The following INPP4B variants were observed in gnomAD, a reference collection of about 807,000 sequenced individuals.
INPP4B encodes inositol polyphosphate 4-phosphatase type II.
In INPP4B, 55 loss-of-function variants were observed where a neutral mutation model predicts 122.5. The observed-to-expected ratio is 0.45, with a 90% CI of 0.36 to 0.56. The LOEUF is 0.56. INPP4B is among the 20% of genes least tolerant of loss of function. The pLI, the probability that INPP4B is intolerant of heterozygous loss-of-function variation, is 0.00. For synonymous variants in INPP4B, 403 were observed against 388.7 expected, an observed-to-expected ratio of 1.04 and a Z score of -0.43; for missense variants, 1,000 against 1,097.7, an observed-to-expected ratio of 0.91 and a Z score of 1.26.
At chr4:142,195,348 AT>A (rs1837712644) in intron 14 of INPP4B, among the ~76,000 whole-genome samples, 1 of 152,204 alleles carries the variant, frequency 6.6e-6, no homozygotes. Flanking sequence ...AGTTCCAGAG[AT>A]ATGCTGTATA....
chr4:142,212,239 G>A (rs1845233476), intron 12 of INPP4B, among the ~76,000 whole-genome samples: 1 of 152,026 alleles, frequency 6.6e-6, no homozygotes, highest in Non-Finnish European at 1.5e-5. Flanking sequence ...GGCAATGTGC[G>A]ATTCCCCAGA....
At chr4:142,619,209 C>T (rs142958966) in intron 2 of INPP4B, among the ~76,000 whole-genome samples, 1 of 151,886 alleles carries the variant, frequency 6.6e-6, no homozygotes, top group Non-Finnish European at 1.5e-5. Flanking sequence ...AATAGAAATA[C>T]TATATAATCC....
intron 1 of INPP4B, chr4:142,766,666 T>TA (rs1772193510): frequency 6.6e-6 from 1 of 152,010 alleles, no homozygotes; most frequent in African/African-American, 2.4e-5. Flanking sequence ...CATGAACCTT[T>TA]ATGCCCAGCC....
rs1218091516 is a variant in INPP4B at position 142,193,178 on chromosome 4, T to A, written c.1090A>T (p.Ile364Phe). The A allele has an allele frequency of 6.2e-7, 1 of 1,610,698 alleles. No homozygotes were observed. The highest frequency in any genetic ancestry group is 2.2e-5 in the East Asian group (1 of 44,844). Residue 364 changes from isoleucine (I) to phenylalanine (F), a missense_variant, in exon 15 of 26, where the codon ATC (isoleucine) becomes TTC (phenylalanine). Transcript: ENST00000262992. Reference protein sequence around the residue: ...PHLKDALYDVITVGAPAAHFQ... With the variant: ...PHLKDALYDVFTVGAPAAHFQ... Reference sequence around the variant, plus strand: ...TGGGCAGCTGGGGCTCCCACAGTGATGACATCGTAGAGAGCATCTGGAGTA... The same window carrying A: ...TGGGCAGCTGGGGCTCCCACAGTGAAGACATCGTAGAGAGCATCTGGAGTA...
intron 2 of INPP4B, among the ~76,000 whole-genome samples, chr4:142,689,845 T>A (rs1040665244): frequency 6.6e-6 from 1 of 152,192 alleles, no homozygotes; most frequent in Non-Finnish European, 1.5e-5. Context: ...AAAATGAGAT[T>A]TATTTTCCCC....
intron 7 of INPP4B, among the ~76,000 whole-genome samples, chr4:142,381,201 T>A (rs2148853346): frequency 6.6e-6 from 1 of 152,244 alleles, no homozygotes; most frequent in Non-Finnish European, 1.5e-5. Context: ...GATGCAAAAA[T>A]TTACATTCAA....
At chr4:142,543,371 G>GGA in intron 2 of INPP4B, among the ~76,000 whole-genome samples, 1 of 152,190 alleles carries the variant, frequency 6.6e-6, no homozygotes, top group Admixed American at 6.5e-5. Context: ...CCAAGTAAAT[G>GGA]AACTTTATGC....
intron 14 of INPP4B, among the ~76,000 whole-genome samples, chr4:142,193,979 C>T (rs1215448793): frequency 1.3e-5 from 2 of 152,146 alleles, no homozygotes; most frequent in East Asian, 3.8e-4. Flanking sequence ...TGCTAAACTA[C>T]ATTTTATTTG....
intron 7 of INPP4B, among the ~76,000 whole-genome samples, chr4:142,342,511 T>G (rs1487054418): frequency 1.3e-5 from 2 of 152,128 alleles, no homozygotes; most frequent in Non-Finnish European, 2.9e-5. Context: ...GTATTCAGTT[T>G]CTCTTAGCAG....
rs1375545100 is a variant in INPP4B at position 142,023,194 on chromosome 4, TAC to T, written c.*5586_*5587del. ...AAAATCATTTATTTAAACAAAAATA[TAC>T]ACACAGTGTACAATGAATATGGTTT... On this transcript the variant is annotated 3_prime_UTR_variant, in exon 26 of 26. Coordinates refer to ENST00000262992, the MANE Select transcript of INPP4B (RefSeq NM_001101669.3). 10 of 152,092 alleles carry T rather than the reference TAC, an allele frequency of 6.6e-5. No homozygotes were observed. The highest frequency in any genetic ancestry group is 1.5e-4 in the Non-Finnish European group (10 of 67,992). The allele number at this position is 152,092 out of a possible 1,614,324, so 9.4% of individuals were successfully genotyped here.
intron 7 of INPP4B, among the ~76,000 whole-genome samples, chr4:142,332,502 GA>G (rs772840732): frequency 1.9e-4 from 28 of 150,788 alleles, no homozygotes; most frequent in African/African-American, 4.9e-4. Flanking sequence ...ATTAAAGGGG[GA>G]AAAAAAAGCA....
rs115498324 is a variant in INPP4B at position 142,375,182 on chromosome 4, G to A, written c.372+27756C>T. ...CATTTTTTTTTCATCTTCCTTGACAGCTCTGTGGAGCTAGTCAACACTGAC... is the reference window on the plus strand; with the variant it reads ...CATTTTTTTTTCATCTTCCTTGACAACTCTGTGGAGCTAGTCAACACTGAC... On this transcript the variant is annotated intron_variant, in intron 7 of 25. Coordinates refer to ENST00000262992, the MANE Select transcript of INPP4B (RefSeq NM_001101669.3). Among the ~76,000 whole-genome samples the A allele has an allele frequency of 8.1e-3, 1,231 of 151,690 alleles. 16 individuals are homozygous for A. Among genetic ancestry groups the A allele is most frequent in the African/African-American group, 0.028 (1,178 of 41,432 alleles).
chr4:142,243,674 GA>G (rs1465380434), intron 11 of INPP4B, among the ~76,000 whole-genome samples: 1 of 152,116 alleles, frequency 6.6e-6, no homozygotes, highest in Admixed American at 6.5e-5. Flanking sequence ...ACACATTAAT[GA>G]AAGGAAAAAT....
At chr4:142,458,967 C>A (rs975909423) in intron 3 of INPP4B, among the ~76,000 whole-genome samples, 3 of 152,188 alleles carry the variant, frequency 2.0e-5, no homozygotes, top group Non-Finnish European at 2.9e-5. Flanking sequence ...TGGCTCCCGA[C>A]TTTCAGGAAA....
rs934988977 is a variant in INPP4B, at chr4:142,575,220, C to A, written c.-190-112494G>T. Among the ~76,000 whole-genome samples the A allele has an allele frequency of 6.0e-4, 87 of 145,210 alleles. No homozygotes were observed. In the Middle Eastern group the frequency reaches 0.018, roughly 29 times the overall value. On this transcript the variant is annotated intron_variant, in intron 2 of 25. Transcript: ENST00000262992. The stretch of plus-strand genomic sequence containing the variant: ...CGTGAAATCATGATGAGAGGCCAAA[C>A]AAAAGGAAAAAAGAAAAAAAAAGGG...
chr4:142,243,499 A>G (rs1004239064), intron 11 of INPP4B, among the ~76,000 whole-genome samples: 10 of 152,230 alleles, frequency 6.6e-5, no homozygotes, highest in Non-Finnish European at 1.2e-4. Flanking sequence ...GGAGGAAGTG[A>G]AAAGGATCAA....
chr4:142,551,210 C>T (rs1176487420), intron 2 of INPP4B, among the ~76,000 whole-genome samples: 1 of 152,166 alleles, frequency 6.6e-6, no homozygotes. Flanking sequence ...CGCCCTTGTC[C>T]CCATACTCAA....
intron 1 of INPP4B, among the ~76,000 whole-genome samples, chr4:142,734,896 C>T (rs1482486991): frequency 6.6e-6 from 1 of 152,160 alleles, no homozygotes; most frequent in Non-Finnish European, 1.5e-5. Flanking sequence ...CTGCCTGCCT[C>T]AGCCTCCCAA....
chr4:142,752,227 T>C (rs1230613752), intron 1 of INPP4B, among the ~76,000 whole-genome samples: 1 of 151,996 alleles, frequency 6.6e-6, no homozygotes, highest in Non-Finnish European at 1.5e-5. Context: ...GAAAATTAAG[T>C]TGTTCCCTGT....
Sources: gnomAD v4.1 joint callset for allele counts (sites outside exome capture counted in the v4.1 genomes callset) on GRCh38, gnomAD v4.1.1 for gene constraint, MANE v1.5 for transcripts, NCBI Gene and HGNC (gene_info 2026-07-23, HGNC 2026-07-21) for gene names.